RAPGEF4: variants seen among roughly 807,000 people sequenced by gnomAD.
The protein encoded by RAPGEF4 is Rap guanine nucleotide exchange factor 4.
In RAPGEF4, 66 loss-of-function variants were observed where a neutral mutation model predicts 147.9. The ratio of observed to expected loss-of-function variants is 0.45; its 90% CI spans 0.37 to 0.55. The LOEUF is 0.55. Ranked by LOEUF, RAPGEF4 falls within the 20% of genes least tolerant of loss-of-function variation. RAPGEF4 has a pLI of 0.00. For synonymous variants in RAPGEF4, 419 were observed against 442.7 expected (o/e 0.95, Z 0.67); for missense variants, 1,071 against 1,257.3 (o/e 0.85, Z 2.24).
chr2:172,859,950 CT>C, intron 4 of RAPGEF4: 3 of 856,850 alleles, frequency 3.5e-6, no homozygotes, highest in Non-Finnish European at 4.2e-6. Context: ...CAGTGGAATC[CT>C]TGTCCGGGAG....
chr2:172,874,390 C>T (rs958304895), intron 4 of RAPGEF4, among the ~76,000 whole-genome samples: 1 of 152,014 alleles, frequency 6.6e-6, no homozygotes, highest in Non-Finnish European at 1.5e-5. Context: ...TAATGCCATC[C>T]CTCCCTGCTC....
intron 16 of RAPGEF4, among the ~76,000 whole-genome samples, chr2:172,998,540 T>C (rs1337822806): frequency 1.3e-5 from 2 of 152,300 alleles, no homozygotes; most frequent in East Asian, 3.9e-4. Flanking sequence ...ATCATGCCAC[T>C]GCACTCCAGC....
chr2:172,875,689 C>A (rs1290167152), intron 4 of RAPGEF4, among the ~76,000 whole-genome samples: 2 of 152,162 alleles, frequency 1.3e-5, no homozygotes, highest in African/African-American at 4.8e-5. Context: ...CATGATGCCT[C>A]CAGCTTTGTT....
chr2:172,928,663 G>T (rs1213288262), intron 6 of RAPGEF4, among the ~76,000 whole-genome samples: 1 of 152,130 alleles, frequency 6.6e-6, no homozygotes, highest in Non-Finnish European at 1.5e-5. Context: ...TTATGAAATA[G>T]AACTTTTTAA....
chr2:172,785,665 G>A (rs927185698), intron 1 of RAPGEF4, among the ~76,000 whole-genome samples: 8 of 152,136 alleles, frequency 5.3e-5, no homozygotes, highest in Admixed American at 4.6e-4. Context: ...AAAACATATT[G>A]AGGTAGTTGA....
chr2:172,750,694 T>C (rs1166000331), intron 1 of RAPGEF4, among the ~76,000 whole-genome samples: 1 of 152,218 alleles, frequency 6.6e-6, no homozygotes, highest in Non-Finnish European at 1.5e-5. Flanking sequence ...AGGTGTGACA[T>C]TGTTTTTCAC....
chr2:172,987,122 G>A (rs1027767071), intron 12 of RAPGEF4, among the ~76,000 whole-genome samples: 4 of 152,122 alleles, frequency 2.6e-5, no homozygotes, highest in African/African-American at 9.7e-5. Context: ...AGATCAGCCT[G>A]GGGAACATGG....
chr2:173,034,671 C>T (rs532618874), intron 27 of RAPGEF4, among the ~76,000 whole-genome samples: 10 of 152,006 alleles, frequency 6.6e-5, no homozygotes, highest in Admixed American at 5.9e-4. Flanking sequence ...GTCAGGAATT[C>T]GAGACCAGCC....
chr2:172,914,245 T>G (rs1683778854), intron 4 of RAPGEF4, among the ~76,000 whole-genome samples: 3 of 151,964 alleles, frequency 2.0e-5, no homozygotes. Flanking sequence ...TGTTTGCATA[T>G]GTATTCAGGT....
Position 172,960,739 on chromosome 2 carries a change from CT to C in RAPGEF4, c.538-18del. On this transcript the variant is annotated intron_variant, in intron 6 of 30. Transcript: ENST00000397081. ...GAACTTTTTGTTTAATTTTCTTTTG[CT>C]TTAACATTTTATTTTTCAGACACCT... The C allele has an allele frequency of 2.5e-6, 4 of 1,577,240 alleles. No homozygotes were observed. The highest frequency in any genetic ancestry group is 1.2e-5 in the South Asian group (1 of 85,650).
chr2:172,995,259 G>A (rs1216426080), intron 15 of RAPGEF4, among the ~76,000 whole-genome samples: 1 of 151,080 alleles, frequency 6.6e-6, no homozygotes, highest in Non-Finnish European at 1.5e-5. Context: ...GTGTGTGTGT[G>A]TGTGTGTGTG....
intron 17 of RAPGEF4, among the ~76,000 whole-genome samples, chr2:173,005,147 T>A (rs1694304616): frequency 6.6e-6 from 1 of 151,964 alleles, no homozygotes. Flanking sequence ...ACAAACACAA[T>A]GGAGTGAATC....
chr2:172,945,861 G>A (rs1342565541), intron 6 of RAPGEF4, among the ~76,000 whole-genome samples: 2 of 152,150 alleles, frequency 1.3e-5, no homozygotes, highest in Admixed American at 1.3e-4. Context: ...TTTTCTAAGA[G>A]TTTATTCAGA....
chr2:172,948,722 A>G (rs113232593), intron 6 of RAPGEF4, among the ~76,000 whole-genome samples: 1 of 152,216 alleles, frequency 6.6e-6, no homozygotes, highest in African/African-American at 2.4e-5. Flanking sequence ...CAAATACTGC[A>G]TGCTCTCACT....
intron 1 of RAPGEF4, among the ~76,000 whole-genome samples, chr2:172,792,621 T>C (rs1260068345): frequency 6.6e-6 from 1 of 152,082 alleles, no homozygotes; most frequent in African/African-American, 2.4e-5. Context: ...GGGGTGAAAA[T>C]TGAGCAAGAT....
At chr2:172,889,826 C>T (rs1470697017) in intron 4 of RAPGEF4, 2 of 980,814 alleles carry the variant, frequency 2.0e-6, no homozygotes. Flanking sequence ...ACTCCTGGAC[C>T]ATATGTGGCT....
intron 1 of RAPGEF4, among the ~76,000 whole-genome samples, chr2:172,773,616 A>ACCCCCCACTGCCTCCCTG (rs1683850179): frequency 6.5e-5 from 7 of 107,932 alleles, no homozygotes; most frequent in Non-Finnish European, 9.7e-5. Context: ...TTCCCTCCCC[A>ACCCCCCACTGCCTCCCTG]CCCCACACTG....
chr2:172,904,016 G>A (rs763199107), intron 4 of RAPGEF4, among the ~76,000 whole-genome samples: 134 of 152,216 alleles, frequency 8.8e-4, no homozygotes, highest in Non-Finnish European at 1.1e-3. Context: ...TTGCTCAAAA[G>A]GGTCAACAGT....
At chr2:172,821,225 G>T (rs979510264) in intron 4 of RAPGEF4, among the ~76,000 whole-genome samples, 3 of 152,192 alleles carry the variant, frequency 2.0e-5, no homozygotes, top group African/African-American at 7.2e-5. Context: ...TTAATGGTAG[G>T]CTTTTCAGGT....
Sources: gnomAD v4.1 joint callset for allele counts (sites outside exome capture counted in the v4.1 genomes callset) on GRCh38, gnomAD v4.1.1 for gene constraint, MANE v1.5 for transcripts, NCBI Gene and HGNC (gene_info 2026-07-23, HGNC 2026-07-21) for gene names.